RASSF3: variants seen among roughly 807,000 people sequenced by gnomAD.
RASSF3 encodes the protein ras association domain-containing protein 3.
RASSF3 carries 19 observed loss-of-function variants against 19.9 expected under a neutral mutation model. The ratio of observed to expected loss-of-function variants is 0.96; its 90% CI spans 0.67 to 1.40. RASSF3 has a LOEUF of 1.40. RASSF3 is among the 40% of genes most tolerant of loss of function. RASSF3 has a pLI of 0.00. For missense variants in RASSF3, 306 were observed against 289.8 expected (o/e 1.06, Z -0.41); for synonymous variants, 110 against 104.2 (o/e 1.06, Z -0.34).
At chr12:64,615,486 C>T (rs991707246) in intron 1 of RASSF3, among the ~76,000 whole-genome samples, 5 of 152,124 alleles carry the variant, frequency 3.3e-5, no homozygotes, top group Admixed American at 6.6e-5. Context: ...CTCAACTTCA[C>T]CCTTTCGGTT....
At chr12:64,659,830 C>A (rs1872280587) in intron 1 of RASSF3, among the ~76,000 whole-genome samples, 1 of 151,974 alleles carries the variant, frequency 6.6e-6, no homozygotes. Context: ...TGCCTGTAAT[C>A]CCAGCTAGTC....
chr12:64,617,576 G>A (rs1033828497), intron 1 of RASSF3, among the ~76,000 whole-genome samples: 1 of 152,170 alleles, frequency 6.6e-6, no homozygotes, highest in African/African-American at 2.4e-5. Context: ...TTGATTGGTT[G>A]AGACGGAGTC....
rs536628674 is a variant in RASSF3, at chr12:64,690,626, C to G, written c.458-844C>G. Among the ~76,000 whole-genome samples, 3 of 152,028 alleles carry G rather than the reference C, an allele frequency of 2.0e-5. No individual in the cohort carries two copies. The South Asian group carries it at 6.2e-4, about 32-fold the overall frequency. On this transcript the variant is annotated intron_variant, in intron 3 of 4. Coordinates refer to ENST00000542104, the MANE Select transcript of RASSF3 (RefSeq NM_178169.4). ...AAGTAGCTAGGACTATAGGCGGGCC[C>G]CATTATGCCTGGCTAGTTAGAAAAA...
chr12:64,683,566 C>T (rs1056995521), intron 1 of RASSF3, among the ~76,000 whole-genome samples: 37 of 152,134 alleles, frequency 2.4e-4, no homozygotes, highest in African/African-American at 8.7e-4. Context: ...GAATTATCCT[C>T]TGGTAGTTGT....
chr12:64,625,261 G>T (rs1304304492), intron 1 of RASSF3, among the ~76,000 whole-genome samples: 1 of 151,922 alleles, frequency 6.6e-6, no homozygotes, highest in East Asian at 1.9e-4. Context: ...ATATCACTGT[G>T]GTGCCTTTGT....
intron 2 of RASSF3, among the ~76,000 whole-genome samples, chr12:64,594,075 G>C (rs527519043): frequency 1.3e-5 from 2 of 149,314 alleles, no homozygotes; most frequent in South Asian, 4.3e-4. Flanking sequence ...GCTCACACCT[G>C]TGATCATAAC....
intron 2 of RASSF3, among the ~76,000 whole-genome samples, chr12:64,561,017 C>T (rs545792602): frequency 2.6e-5 from 4 of 151,694 alleles, no homozygotes; most frequent in South Asian, 2.1e-4. Flanking sequence ...TGTATTAGTA[C>T]AGAATGAGTC....
chr12:64,610,028 G>A (rs1292843788), upstream of RASSF3, among the ~76,000 whole-genome samples: 2 of 152,116 alleles, frequency 1.3e-5, no homozygotes, highest in Non-Finnish European at 2.9e-5. Flanking sequence ...GCGGCTGCAG[G>A]AAGCCGTGGG....
chr12:64,553,621 C>T (rs1335415790), intron 2 of RASSF3, among the ~76,000 whole-genome samples: 1 of 152,100 alleles, frequency 6.6e-6, no homozygotes, highest in Admixed American at 6.6e-5. Flanking sequence ...GGCTTATAAT[C>T]CAACAGGTGA....
At chr12:64,631,442 T>C (rs1185536494) in intron 1 of RASSF3, among the ~76,000 whole-genome samples, 8 of 152,116 alleles carry the variant, frequency 5.3e-5, no homozygotes, top group Admixed American at 5.2e-4. Context: ...AGAGGTGCTC[T>C]TCCGTGAGGC....
intron 1 of RASSF3, among the ~76,000 whole-genome samples, chr12:64,630,717 G>A (rs925575447): frequency 2.0e-5 from 3 of 152,122 alleles, no homozygotes; most frequent in Non-Finnish European, 4.4e-5. Context: ...GGAGATACTG[G>A]TTAATTGGGA....
At chr12:64,671,707 C>T (rs904528290) in intron 1 of RASSF3, among the ~76,000 whole-genome samples, 1 of 152,250 alleles carries the variant, frequency 6.6e-6, no homozygotes, top group African/African-American at 2.4e-5. Flanking sequence ...AGCTGCACTT[C>T]TGAAGGAAAT....
chr12:64,510,759 G>T (rs1868323465), intron 1 of RASSF3, among the ~76,000 whole-genome samples: 1 of 152,196 alleles, frequency 6.6e-6, no homozygotes, highest in African/African-American at 2.4e-5. Flanking sequence ...ATGGGGAGGG[G>T]TGTATGAGAA....
At chr12:64,677,535 A>G (rs1872953670) in intron 1 of RASSF3, among the ~76,000 whole-genome samples, 1 of 152,130 alleles carries the variant, frequency 6.6e-6, no homozygotes, top group Non-Finnish European at 1.5e-5. Context: ...TCAGCTTCCC[A>G]AAGTGCTGGG....
At chr12:64,585,042 T>G (rs961073130) in intron 2 of RASSF3, among the ~76,000 whole-genome samples, 10 of 151,820 alleles carry the variant, frequency 6.6e-5, no homozygotes, top group Non-Finnish European at 1.5e-4. Context: ...CATGCCACCA[T>G]GCCCAGCTAA....
rs12309867 is a variant in RASSF3 at position 64,524,120 on chromosome 12, C to T, written c.169+16791C>T. 5.9e-3 allele frequency among the ~76,000 whole-genome samples: 890 copies of T among 150,668 alleles called. 12 individuals are homozygous for T. Among genetic ancestry groups the T allele is most frequent in the African/African-American group, 0.019 (775 of 41,090 alleles). Reference sequence around the variant, plus strand: ...AGGCTGGAGTGCAGTGGCACAATCTCGGCTCACTGCAGCCTCCTCTTCCTG... The same window carrying T: ...AGGCTGGAGTGCAGTGGCACAATCTTGGCTCACTGCAGCCTCCTCTTCCTG... On this transcript the variant is annotated intron_variant, in intron 1 of 5. Transcript: ENST00000637125.
intron 1 of RASSF3, among the ~76,000 whole-genome samples, chr12:64,639,461 T>G (rs1871435151): frequency 6.8e-6 from 1 of 146,320 alleles, no homozygotes; most frequent in Non-Finnish European, 1.5e-5. Context: ...ATAACATTTT[T>G]GCGTGGCCTT....
chr12:64,612,000 C>T (rs1023941437), intron 1 of RASSF3, among the ~76,000 whole-genome samples: 2 of 152,058 alleles, frequency 1.3e-5, no homozygotes, highest in Non-Finnish European at 2.9e-5. Context: ...CATAGTTGTC[C>T]GTCTTGTATT....
intron 2 of RASSF3, among the ~76,000 whole-genome samples, chr12:64,580,238 C>T (rs150819428): frequency 1.3e-4 from 19 of 151,902 alleles, no homozygotes; most frequent in African/African-American, 4.3e-4. Flanking sequence ...GGATTACAAC[C>T]CATTAGTAGA....
Sources: allele counts gnomAD v4.1 joint callset (sites outside exome capture counted in the v4.1 genomes callset), GRCh38; gene constraint gnomAD v4.1.1; transcripts MANE v1.5; gene names NCBI Gene and HGNC (gene_info 2026-07-23, HGNC 2026-07-21).